NCOA2: variants seen among roughly 807,000 people sequenced by gnomAD.
NCOA2 encodes the protein nuclear receptor coactivator 2, also known as class E basic helix-loop-helix protein 75.
Under a neutral mutation model 145.1 loss-of-function variants are expected in NCOA2, and 21 were observed. The observed-to-expected ratio is 0.14, with a 90% confidence interval of 0.10 to 0.21. NCOA2 has a LOEUF of 0.21. NCOA2 is among the 10% of genes least tolerant of loss of function. The pLI is 1.00. For synonymous variants in NCOA2, 619 were observed against 637.5 expected (o/e 0.97, Z 0.44); for missense variants, 1,472 against 1,837.6 (o/e 0.80, Z 3.64).
chr8:70,335,818 C>T (rs549454315), intron 1 of NCOA2, among the ~76,000 whole-genome samples: 14 of 152,152 alleles, frequency 9.2e-5, no homozygotes, highest in African/African-American at 2.6e-4. Context: ...TGCTACACAC[C>T]GAGGCTATAT....
intron 2 of NCOA2, among the ~76,000 whole-genome samples, chr8:70,219,982 G>A (rs185688186): frequency 1.3e-5 from 2 of 152,216 alleles, no homozygotes; most frequent in Admixed American, 6.5e-5. Context: ...TTATAAAAAC[G>A]ACTTTCTTCT....
intron 1 of NCOA2, among the ~76,000 whole-genome samples, chr8:70,326,850 T>C (rs1368207588): frequency 6.6e-6 from 1 of 152,160 alleles, no homozygotes; most frequent in East Asian, 1.9e-4. Flanking sequence ...GTCTCTAAAT[T>C]CAACACTAAC....
rs1485189112 is a variant in NCOA2, at chr8:70,159,013, G to C, written c.1124+492C>G. On this transcript the variant is annotated intron_variant, in intron 10 of 22. Transcript: ENST00000452400. ...ACTTTGCCAGTACAGTTGTTCTTTGGTTATATGGGGGACTGGTTCTAGCCT... is the reference window on the plus strand; with the variant it reads ...ACTTTGCCAGTACAGTTGTTCTTTGCTTATATGGGGGACTGGTTCTAGCCT... Among the ~76,000 whole-genome samples, 5 of 151,182 alleles carry C rather than the reference G, an allele frequency of 3.3e-5. No homozygotes were observed. In the East Asian group the frequency reaches 9.7e-4, roughly 29 times the overall value.
chr8:70,218,511 T>G (rs1254731961), intron 2 of NCOA2, among the ~76,000 whole-genome samples: 1 of 152,274 alleles, frequency 6.6e-6, no homozygotes, highest in African/African-American at 2.4e-5. Flanking sequence ...GCTTCACCAC[T>G]TTTAGCTATG....
At chr8:70,355,619 T>A (rs796621314) in intron 1 of NCOA2, among the ~76,000 whole-genome samples, 3 of 152,132 alleles carry the variant, frequency 2.0e-5, no homozygotes, top group African/African-American at 7.2e-5. Context: ...CGTGTTAGCA[T>A]AGTTTATGTG....
At chr8:70,265,779 T>C (rs1469227092) in intron 2 of NCOA2, among the ~76,000 whole-genome samples, 1 of 152,180 alleles carries the variant, frequency 6.6e-6, no homozygotes, top group African/African-American at 2.4e-5. Context: ...AAATTCACCC[T>C]GTGTACCAAG....
Position 70,166,679 on chromosome 8 carries a change from G to A in NCOA2, c.617C>T (p.Pro206Leu), listed in dbSNP as rs1813652228. Residue 206 changes from proline (P) to leucine (L), a missense_variant, in exon 7 of 23, where the codon CCT (proline) becomes CTT (leucine). This residue lies in a region of NCOA2 where 284 missense variants were observed against 467.8 expected (regional missense o/e 0.61). Transcript: ENST00000452400. ...ACCCTCCTCTTCTGAATCAGGTAAA[G>A]GTTTTACCAGCATCCGACAATTGAA... ...HTFNCRMLVK[P>L]LPDSEEEGHD... 1 of 1,613,956 alleles carries A rather than the reference G, an allele frequency of 6.2e-7. No individual in the cohort carries two copies. Among genetic ancestry groups the A allele is most frequent in the Non-Finnish European group, 8.5e-7 (1 of 1,179,868 alleles).
At chr8:70,216,133 G>A (rs1362608271) in intron 3 of NCOA2, among the ~76,000 whole-genome samples, 2 of 152,146 alleles carry the variant, frequency 1.3e-5, no homozygotes, top group African/African-American at 4.8e-5. Context: ...AACAGGATAT[G>A]CATTTATAAT....
rs1256847803 is a variant in NCOA2 at position 70,326,427 on chromosome 8, T to TCA, written c.-76-29628_-76-29627insTG. Among the ~76,000 whole-genome samples the TCA allele has an allele frequency of 1.6e-4, 23 of 139,408 alleles. 1 individual carries two copies. The Admixed American group carries it at 1.7e-3, about 10-fold the overall frequency. The allele number at this position is 139,408 out of a possible 152,430, so 91.5% of individuals were successfully genotyped here. The stretch of plus-strand genomic sequence containing the variant: ...AAACTACCCTTTCTGCATTTCTCTC[T>TCA]CTCACACACACACACACACACACGT... On this transcript the variant is annotated intron_variant, in intron 1 of 22. Coordinates refer to ENST00000452400, the MANE Select transcript of NCOA2 (RefSeq NM_006540.4).
the NCOA2 span, among the ~76,000 whole-genome samples, chr8:70,431,161 A>G: frequency 1.4e-4 from 22 of 152,028 alleles, no homozygotes; most frequent in African/African-American, 5.1e-4. Context: ...TGACAGTTCA[A>G]TTTTGCTGGC....
the NCOA2 span, among the ~76,000 whole-genome samples, chr8:70,425,119 A>G: frequency 6.6e-6 from 1 of 152,138 alleles, no homozygotes; most frequent in East Asian, 1.9e-4. Context: ...AGGCAATACT[A>G]AATACCCTCC....
At chr8:70,288,896 C>T (rs1826452494) in intron 2 of NCOA2, among the ~76,000 whole-genome samples, 1 of 152,134 alleles carries the variant, frequency 6.6e-6, no homozygotes, top group African/African-American at 2.4e-5. Context: ...AATTAAACAT[C>T]TAACCTCTAT....
the NCOA2 span, among the ~76,000 whole-genome samples, chr8:70,433,363 T>C: frequency 6.7e-6 from 1 of 149,744 alleles, no homozygotes; most frequent in Non-Finnish European, 1.5e-5. Context: ...AAAAGAGGAG[T>C]CCACTTTAGG....
intron 4 of NCOA2, among the ~76,000 whole-genome samples, chr8:70,205,131 G>C (rs931623915): frequency 1.3e-5 from 2 of 152,108 alleles, no homozygotes; most frequent in African/African-American, 2.4e-5. Flanking sequence ...ACACTAAACA[G>C]AGTAAGATCA....
intron 1 of NCOA2, among the ~76,000 whole-genome samples, chr8:70,317,574 T>C (rs1027226620): frequency 6.6e-6 from 1 of 152,140 alleles, no homozygotes; most frequent in Non-Finnish European, 1.5e-5. Flanking sequence ...TTTATATGAG[T>C]AAGTGTTAGG....
chr8:70,219,444 T>G (rs761177642), intron 2 of NCOA2, among the ~76,000 whole-genome samples: 5 of 152,166 alleles, frequency 3.3e-5, no homozygotes, highest in Non-Finnish European at 7.3e-5. Flanking sequence ...CTGGGCTATG[T>G]GCCCCAGTAC....
rs1422481369 is a variant in NCOA2 at position 70,156,057 on chromosome 8, C to G, written c.2308G>C (p.Asp770His). Residue 770 changes from aspartate to histidine, a missense_variant, in exon 11 of 23, where the codon GAC becomes CAC. Asp to His is a moderately conservative substitution (Grantham distance 81, BLOSUM62 -1). Transcript: ENST00000452400. ...PEITPKLERL[D>H]SKTDPASNTK... The stretch of plus-strand genomic sequence containing the variant: ...TTACTGGCAGGATCTGTCTTACTGT[C>G]CAGTCTCTCAAGTTTGGGGGTTATT... The G allele has an allele frequency of 1.2e-5, 20 of 1,613,740 alleles. No individual in the cohort carries two copies. Among genetic ancestry groups the G allele is most frequent in the Non-Finnish European group, 1.7e-5 (20 of 1,179,802 alleles).
the NCOA2 span, among the ~76,000 whole-genome samples, chr8:70,447,278 T>A: frequency 1.1e-4 from 16 of 152,184 alleles, no homozygotes; most frequent in African/African-American, 3.9e-4. Flanking sequence ...TAGCCCTCAG[T>A]CGCATCAGAG....
chr8:70,400,863 T>A (rs899507697), intron 1 of NCOA2, among the ~76,000 whole-genome samples: 1 of 152,188 alleles, frequency 6.6e-6, no homozygotes, highest in Admixed American at 6.5e-5. Flanking sequence ...AACCCAAGAT[T>A]AATAAAAGCT....
Sources: allele counts gnomAD v4.1 joint callset (sites outside exome capture counted in the v4.1 genomes callset), GRCh38; gene constraint gnomAD v4.1.1; regional missense constraint gnomAD v4.1.1; transcripts MANE v1.5; gene names NCBI Gene and HGNC (gene_info 2026-07-23, HGNC 2026-07-21).